Variants in PXDNL observed in about 807,000 individuals in gnomAD.
PXDNL encodes probable oxidoreductase PXDNL.
Under a neutral mutation model 150.8 loss-of-function variants are expected in PXDNL, and 145 were observed. The ratio of observed to expected loss-of-function variants is 0.96; its 90% CI spans 0.84 to 1.10. The LOEUF is 1.10. PXDNL is among the 50% of genes least tolerant of loss of function. The pLI, the probability that PXDNL is intolerant of heterozygous loss-of-function variation, is 0.00. For synonymous variants in PXDNL, 757 were observed against 725.7 expected (o/e 1.04, Z -0.69); for missense variants, 2,087 against 1,873.9 (o/e 1.11, Z -2.10).
intron 1 of PXDNL, among the ~76,000 whole-genome samples, chr8:51,807,593 G>T (rs969515315): frequency 2.0e-5 from 3 of 152,152 alleles, no homozygotes; most frequent in Non-Finnish European, 4.4e-5. Flanking sequence ...AACACATTTT[G>T]TAAGTGGTGG....
At chr8:51,553,771 T>TATATATATATACACACAC (rs1236843720) in intron 4 of PXDNL, among the ~76,000 whole-genome samples, 3 of 63,862 alleles carry the variant, frequency 4.7e-5, no homozygotes, top group African/African-American at 2.8e-4. Flanking sequence ...TATATATATA[T>TATATATATATACACACAC]ACACACACTG....
At chr8:51,581,708 G>T (rs1291442143) in intron 3 of PXDNL, among the ~76,000 whole-genome samples, 1 of 152,060 alleles carries the variant, frequency 6.6e-6, no homozygotes, top group Non-Finnish European at 1.5e-5. Context: ...GCCTGGCTTT[G>T]ATTTCAGAGC....
At chr8:51,578,362 A>G (rs1813134943) in intron 3 of PXDNL, among the ~76,000 whole-genome samples, 1 of 151,922 alleles carries the variant, frequency 6.6e-6, no homozygotes, top group Non-Finnish European at 1.5e-5. Context: ...AAATTATACT[A>G]AAAAGCAATA....
chr8:51,634,095 T>C (rs1257183652), intron 2 of PXDNL, among the ~76,000 whole-genome samples: 1 of 151,996 alleles, frequency 6.6e-6, no homozygotes, highest in Non-Finnish European at 1.5e-5. Flanking sequence ...TTTTCTAGGA[T>C]TTTTAGAGTT....
chr8:51,564,807 G>A (rs1357639126), intron 3 of PXDNL, among the ~76,000 whole-genome samples: 1 of 151,870 alleles, frequency 6.6e-6, no homozygotes, highest in Non-Finnish European at 1.5e-5. Flanking sequence ...TTTGTATATG[G>A]GAAAGCAATT....
At chr8:51,422,268 T>C (rs544695841) in intron 14 of PXDNL, among the ~76,000 whole-genome samples, 1 of 152,260 alleles carries the variant, frequency 6.6e-6, no homozygotes, top group Admixed American at 6.5e-5. Flanking sequence ...AGATATAAAG[T>C]GCACAATAAA....
intron 7 of PXDNL, among the ~76,000 whole-genome samples, chr8:51,473,784 A>G (rs1214275913): frequency 1.3e-5 from 2 of 151,816 alleles, no homozygotes; most frequent in African/African-American, 4.8e-5. Flanking sequence ...CTGGAGGAGC[A>G]GAGTGTAGCC....
chr8:51,609,645 A>G (rs761706974), intron 2 of PXDNL, among the ~76,000 whole-genome samples: 21 of 152,248 alleles, frequency 1.4e-4, no homozygotes, highest in South Asian at 6.2e-4. Flanking sequence ...ATGCAGGTGG[A>G]AGGATAAATC....
chr8:51,494,000 G>T (rs1356303371), intron 5 of PXDNL, among the ~76,000 whole-genome samples: 1 of 152,154 alleles, frequency 6.6e-6, no homozygotes, highest in Non-Finnish European at 1.5e-5. Context: ...AAGTTGAAAT[G>T]AAGGAAAAAA....
chr8:51,652,815 T>TA (rs1815069576), intron 2 of PXDNL, among the ~76,000 whole-genome samples: 1 of 152,228 alleles, frequency 6.6e-6, no homozygotes, highest in African/African-American at 2.4e-5. Context: ...GGTTTTCTAA[T>TA]AAAAAATATT....
chr8:51,504,183 GT>G (rs1811240753), intron 4 of PXDNL, among the ~76,000 whole-genome samples: 1 of 152,018 alleles, frequency 6.6e-6, no homozygotes, highest in African/African-American at 2.4e-5. Context: ...TATACCCTCG[GT>G]TACTAAAATA....
intron 5 of PXDNL, among the ~76,000 whole-genome samples, chr8:51,494,638 T>C (rs549695093): frequency 6.6e-6 from 1 of 152,008 alleles, no homozygotes; most frequent in Non-Finnish European, 1.5e-5. Flanking sequence ...TCCTAGTCTA[T>C]GATAAAACAG....
chr8:51,711,212 C>A (rs1325236931), intron 1 of PXDNL, among the ~76,000 whole-genome samples: 1 of 152,180 alleles, frequency 6.6e-6, no homozygotes, highest in Non-Finnish European at 1.5e-5. Flanking sequence ...GCAATCTTGG[C>A]TCACTGCAAC....
intron 19 of PXDNL, among the ~76,000 whole-genome samples, chr8:51,351,487 T>A (rs1806349655): frequency 6.6e-6 from 1 of 152,150 alleles, no homozygotes; most frequent in Admixed American, 6.5e-5. Context: ...ATAGAATGCA[T>A]TCTCCCACAC....
At chr8:51,606,072 T>G (rs1237056595) in intron 2 of PXDNL, among the ~76,000 whole-genome samples, 1 of 150,620 alleles carries the variant, frequency 6.6e-6, no homozygotes, top group Non-Finnish European at 1.5e-5. Context: ...AAGACAGATC[T>G]CTTTTTAAAA....
At chr8:51,389,918 A>T (rs929934427) in intron 17 of PXDNL, among the ~76,000 whole-genome samples, 2 of 152,228 alleles carry the variant, frequency 1.3e-5, no homozygotes, top group Non-Finnish European at 2.9e-5. Flanking sequence ...ATAATGGAAC[A>T]GGCAAGAAAA....
At chr8:51,445,974 C>T (rs747027517) in intron 12 of PXDNL, among the ~76,000 whole-genome samples, 15 of 150,996 alleles carry the variant, frequency 9.9e-5, no homozygotes, top group Admixed American at 3.3e-4. Context: ...CCCGTAGAAC[C>T]TCAACTTCCT....
At chr8:51,494,258 C>A (rs1036743521) in intron 5 of PXDNL, among the ~76,000 whole-genome samples, 3 of 151,846 alleles carry the variant, frequency 2.0e-5, no homozygotes, top group Non-Finnish European at 1.5e-5. Flanking sequence ...CCAGGCCTGC[C>A]CTAAAAGAGC....
chr8:51,435,982 C>A (rs1809397226), intron 12 of PXDNL: 2 of 518,482 alleles, frequency 3.9e-6, no homozygotes, highest in South Asian at 2.9e-5. Flanking sequence ...AAAACAGGAT[C>A]TCTTTATGTA....
Sources: allele counts gnomAD v4.1 joint callset (sites outside exome capture counted in the v4.1 genomes callset), GRCh38; gene constraint gnomAD v4.1.1; transcripts MANE v1.5; gene names NCBI Gene and HGNC (gene_info 2026-07-23, HGNC 2026-07-21).